STRA6: variants seen among roughly 807,000 people sequenced by gnomAD.
STRA6 encodes signaling receptor and transporter of retinol STRA6, also known as receptor for retinol uptake STRA6.
STRA6 carries 48 observed loss-of-function variants against 83.6 expected under a neutral mutation model. That is an observed-to-expected ratio of 0.57 (90% CI 0.46 to 0.73). The LOEUF is 0.73. Among genes scored for constraint, STRA6 ranks in the 30% least tolerant of loss-of-function variants. The pLI, the probability that STRA6 is intolerant of heterozygous loss-of-function variation, is 0.00. For synonymous variants in STRA6, 353 were observed against 362.3 expected (o/e 0.97, Z 0.29); for missense variants, 760 against 838.8 (o/e 0.91, Z 1.16).
chr15:74,209,156 C>T, upstream of STRA6: 1 of 1,292,252 alleles, frequency 7.7e-7, no homozygotes, highest in South Asian at 1.9e-5. Context: ...CCAGCTCAGG[C>T]ACAGAGCAGG....
chr15:74,208,866 C>T (rs953843403), exon 1 of STRA6: 34 of 989,888 alleles, frequency 3.4e-5, no homozygotes, highest in East Asian at 3.4e-4. Context: ...TGATCTCTCC[C>T]GGAAACTTGT....
chr15:74,207,987 G>A, intron 1 of STRA6: 2 of 1,417,022 alleles, frequency 1.4e-6, no homozygotes, highest in South Asian at 1.5e-5. Flanking sequence ...GGGAGGGTCA[G>A]AAGCACCATC....
upstream of STRA6, among the ~76,000 whole-genome samples, chr15:74,206,641 GGGA>G (rs1451044369): frequency 1.3e-5 from 2 of 152,222 alleles, no homozygotes; most frequent in Non-Finnish European, 2.9e-5. Flanking sequence ...CTGAGGAGCG[GGGA>G]GGGAAAGGAG....
At chr15:74,190,000 A>G (rs1169380396) in intron 11 of STRA6, among the ~76,000 whole-genome samples, 2 of 152,174 alleles carry the variant, frequency 1.3e-5, no homozygotes, top group Non-Finnish European at 2.9e-5. Flanking sequence ...GTTCGATATT[A>G]TAAGTACTTT....
chr15:74,197,639 C>T (rs1217316944), intron 3 of STRA6, 113 bp downstream of exon 3: 2 of 1,414,374 alleles, frequency 1.4e-6, no homozygotes, highest in African/African-American at 1.4e-5. Context: ...AGATAGCTCC[C>T]CCCACCCAGG....
Position 74,202,264 on chromosome 15 carries a change from A to G in STRA6, c.4T>C (p.Ser2Pro), listed in dbSNP as rs763026708. The G allele has an allele frequency of 2.9e-5, 45 of 1,545,084 alleles. No individual in the cohort carries two copies. In the Admixed American group the frequency reaches 9.5e-4, roughly 33 times the overall value. ...GTCTGGTTCCCTGCTGGCTGGGACGACATTCTCTGGCCCTTCTCCTTTGAC... is the reference window on the plus strand; with the variant it reads ...GTCTGGTTCCCTGCTGGCTGGGACGGCATTCTCTGGCCCTTCTCCTTTGAC... The part of the protein sequence containing the change: M[S>P]SQPAGNQTSP... The change falls in exon 2 of 19, where the codon TCG (serine) becomes CCG (proline). Residue 2 changes from serine to proline, a missense_variant. Transcript: ENST00000395105.
intron 1 of STRA6, chr15:74,208,732 T>G (rs1049287100): frequency 2.6e-5 from 26 of 987,982 alleles, no homozygotes; most frequent in Non-Finnish European, 3.1e-5. Context: ...GCACACCCCA[T>G]GTGCCTTCTC....
chr15:74,183,725 G>A, intron 14 of STRA6, 131 bp downstream of exon 14: 1 of 1,592,294 alleles, frequency 6.3e-7, no homozygotes, highest in South Asian at 1.1e-5. Context: ...CCTCCTTCTT[G>A]CTGCTGCCCC....
chr15:74,210,904 C>A (rs962770498), upstream of STRA6, among the ~76,000 whole-genome samples: 1 of 152,200 alleles, frequency 6.6e-6, no homozygotes, highest in South Asian at 2.1e-4. Flanking sequence ...ATAGCTGGAT[C>A]TCAGGCAGCC....
At chr15:74,191,941 CA>C (rs2073564460) in intron 8 of STRA6, 1 of 279,390 alleles carries the variant, frequency 3.6e-6, no homozygotes, top group African/African-American at 2.2e-5. Context: ...TGCCACTGCG[CA>C]AGGGAGATCA....
At chr15:74,182,573 T>G in intron 14 of STRA6, 113 bp from the exon 15 acceptor site, 2 of 815,426 alleles carry the variant, frequency 2.5e-6, no homozygotes, top group South Asian at 1.5e-5. Flanking sequence ...GTTTTAGATC[T>G]CTGCTCTGCC....
At chr15:74,182,804 A>C (rs751969312) in intron 14 of STRA6, 6 of 331,140 alleles carry the variant, frequency 1.8e-5, no homozygotes, top group Non-Finnish European at 3.5e-5. Context: ...CTACATATTA[A>C]ACTGATGTTT....
chr15:74,179,983 C>G lies in STRA6; in HGVS notation c.*97G>C. The G allele has an allele frequency of 1.3e-6, 2 of 1,509,954 alleles. No individual in the cohort carries two copies. The highest frequency in any genetic ancestry group is 1.8e-6 in the Non-Finnish European group (2 of 1,103,066). 93.5% of individuals were successfully genotyped at this position (1,509,954 alleles called of 1,614,324 possible). On this transcript the variant is annotated 3_prime_UTR_variant, in exon 19 of 19. Transcript: ENST00000395105. ...TCCGGAGGACCTGCTGGCTGCATGG[C>G]TGGTGTGATGCTGGGAGGAGAGCCG...
chr15:74,197,150 C>G (rs185622850), intron 4 of STRA6, among the ~76,000 whole-genome samples, 188 bp downstream of exon 4: 1 of 152,126 alleles, frequency 6.6e-6, no homozygotes, highest in African/African-American at 2.4e-5. Context: ...AGTCCCTCCC[C>G]CTTCCTCTGG....
At chr15:74,203,117 G>A, upstream of STRA6, 3 of 985,626 alleles carry the variant, frequency 3.0e-6, no homozygotes, top group Non-Finnish European at 3.6e-6. Flanking sequence ...GACCGCTGGG[G>A]CTGGGCTGGG....
At chr15:74,199,754 A>G (rs975656647) in intron 2 of STRA6, among the ~76,000 whole-genome samples, 2 of 152,216 alleles carry the variant, frequency 1.3e-5, no homozygotes, top group African/African-American at 4.8e-5. Context: ...ATATTTGGCT[A>G]GTGGCTTGTG....
intron 1 of STRA6, 150 bp from the exon 2 acceptor site, chr15:74,202,432 GA>G: frequency 6.5e-7 from 1 of 1,536,792 alleles, no homozygotes; most frequent in Non-Finnish European, 8.7e-7. Flanking sequence ...AGCTCTCTGG[GA>G]AAAGCCCGTC....
chr15:74,197,996 T>C, intron 2 of STRA6, 178 bp from the exon 3 acceptor site: 1 of 686,280 alleles, frequency 1.5e-6, no homozygotes, highest in Non-Finnish European at 2.6e-6. Flanking sequence ...GGGGCCCTCG[T>C]GTCCCTGTGA....
chr15:74,203,643 A>G (rs1342490435), upstream of STRA6, among the ~76,000 whole-genome samples: 2 of 152,234 alleles, frequency 1.3e-5, no homozygotes, highest in African/African-American at 4.8e-5. Flanking sequence ...TTTATTGAAC[A>G]CACACTATGT....
Sources: gnomAD v4.1 joint callset for allele counts (sites outside exome capture counted in the v4.1 genomes callset) on GRCh38, gnomAD v4.1.1 for gene constraint, MANE v1.5 for transcripts, NCBI Gene and HGNC (gene_info 2026-07-23, HGNC 2026-07-21) for gene names.